The following ZNF638 variants were observed in gnomAD, a reference collection of about 807,000 sequenced individuals.
ZNF638 encodes the protein CTCL tumor antigen se33-1.
ZNF638 carries 46 observed loss-of-function variants against 195.6 expected under a neutral mutation model. The ratio of observed to expected loss-of-function variants is 0.24; its 90% CI spans 0.19 to 0.30. ZNF638 has a LOEUF of 0.30. Among genes scored for constraint, ZNF638 ranks in the 10% least tolerant of loss-of-function variants. ZNF638 has a pLI of 1.00. For missense variants in ZNF638, 2,440 were observed against 2,325.3 expected (o/e 1.05, Z -1.01); for synonymous variants, 845 against 772.0 (o/e 1.09, Z -1.57).
chr2:71,427,249 T>G lies in ZNF638; in HGVS notation c.5380T>G (p.Leu1794Val). 1 of 1,613,344 alleles carries G rather than the reference T, an allele frequency of 6.2e-7. No individual in the cohort carries two copies. Among genetic ancestry groups the G allele is most frequent in the Non-Finnish European group, 8.5e-7 (1 of 1,179,886 alleles). The stretch of plus-strand genomic sequence containing the variant: ...TGGAGATAATGATTTAAAAGTTGAG[T>G]TAGCACAAAGCAAAAATGACCATCC... ...EDGDNDLKVE[L>V]AQSKNDHPTD... The change falls in exon 24 of 28, where the codon TTA becomes GTA. Residue 1794 changes from leucine to valine, a missense_variant. Around this residue, in one of 5 missense-constraint regions of ZNF638, gnomAD observed 1,883 missense variants for 1,739.1 expected, o/e 1.08. Transcript: ENST00000264447.
In ZNF638 at chr2:71,403,935, A is replaced by G; in HGVS notation, c.2895A>G (p.Val965=). 1 of 1,612,140 alleles carries G rather than the reference A, an allele frequency of 6.2e-7. No individual in the cohort carries two copies. The highest frequency in any genetic ancestry group is 1.1e-5 in the South Asian group (1 of 90,976). ...SMVKFYTCFP[V]LMDGNQLSIS... is the part of the protein sequence containing the mutation. ...TAAAATTTTATACCTGCTTCCCAGT[A>G]TTGATGGATGGAAATCAACTCTCAA... Residue 965 remains valine, a synonymous_variant, in exon 17 of 28, where the codon GTA becomes GTG. Transcript: ENST00000264447.
chr2:71,381,873 A>G (rs937663217), intron 10 of ZNF638, among the ~76,000 whole-genome samples: 2 of 152,154 alleles, frequency 1.3e-5, no homozygotes, highest in Non-Finnish European at 2.9e-5. Flanking sequence ...GGGAAATTGC[A>G]GTAGAGAATA....
At chr2:71,342,840 C>T (rs980720880) in intron 1 of ZNF638, among the ~76,000 whole-genome samples, 20 of 151,996 alleles carry the variant, frequency 1.3e-4, no homozygotes, top group African/African-American at 3.4e-4. Flanking sequence ...ATCAAATAGT[C>T]CTGAGGGTGC....
chr2:71,418,537 C>G (rs1368276837), intron 20 of ZNF638, 65 bp from the exon 21 acceptor site: 2 of 1,111,402 alleles, frequency 1.8e-6, no homozygotes, highest in African/African-American at 3.3e-5. Flanking sequence ...AAAAACATTG[C>G]TTTTATAGTT....
At chr2:71,410,303 A>C (rs2080186209) in intron 20 of ZNF638, among the ~76,000 whole-genome samples, 1 of 152,116 alleles carries the variant, frequency 6.6e-6, no homozygotes, top group Non-Finnish European at 1.5e-5. Flanking sequence ...CTCTCACTTC[A>C]GCCTCCAGAG....
intron 3 of ZNF638, among the ~76,000 whole-genome samples, chr2:71,359,935 G>T (rs1331360303): frequency 6.6e-6 from 1 of 152,104 alleles, no homozygotes; most frequent in Non-Finnish European, 1.5e-5. Flanking sequence ...AGGTAATTAT[G>T]CTGTGTTTAT....
At chr2:71,345,049 TA>T (rs1558830084) in intron 1 of ZNF638, among the ~76,000 whole-genome samples, 1 of 152,186 alleles carries the variant, frequency 6.6e-6, no homozygotes, top group Non-Finnish European at 1.5e-5. Flanking sequence ...CATCCAAAAA[TA>T]GGTGAGTATG....
chr2:71,379,980 C>G (rs1387799678), intron 8 of ZNF638: 2 of 297,698 alleles, frequency 6.7e-6, no homozygotes, highest in African/African-American at 4.4e-5. Flanking sequence ...TTCAAGGCAT[C>G]CACCAGGGGT....
Position 71,428,506 on chromosome 2 carries a change from T to C in ZNF638, c.5546-41T>C, listed in dbSNP as rs775109863. On this transcript the variant is annotated intron_variant, in intron 24 of 27. Coordinates refer to ENST00000264447, the MANE Select transcript of ZNF638 (RefSeq NM_014497.5). ...TATGTTTAATTTAAAGCAATTTAAATACTGTTACTAGAGCAATAAATTAGG... is the reference window on the plus strand; with the variant it reads ...TATGTTTAATTTAAAGCAATTTAAACACTGTTACTAGAGCAATAAATTAGG... 2.0e-6 allele frequency: 3 copies of C among 1,533,384 alleles called. No individual in the cohort carries two copies. In the South Asian group the frequency reaches 3.5e-5, roughly 18 times the overall value. 95.0% of individuals were successfully genotyped at this position (1,533,384 alleles called of 1,614,324 possible).
intron 1 of ZNF638, chr2:71,333,004 G>A (rs889417027): frequency 6.6e-6 from 1 of 152,040 alleles, no homozygotes; most frequent in Non-Finnish European, 1.5e-5. Flanking sequence ...TATTTTTTCA[G>A]GGATGTTGTG....
intron 24 of ZNF638, 84 bp from the exon 25 acceptor site, chr2:71,428,463 T>G: frequency 8.0e-7 from 1 of 1,245,564 alleles, no homozygotes; most frequent in Non-Finnish European, 1.1e-6. Context: ...ATGTATAATG[T>G]TGATTCAGAC....
In ZNF638 at chr2:71,418,385, T is replaced by C. The variant is rs1049527708; in HGVS notation, c.3262-217T>C. On this transcript the variant is annotated intron_variant, in intron 20 of 27. Transcript: ENST00000264447. ...ATTATTAAGGAAACTTATTTTTTCA[T>C]TAATATAAGTTATTGTGTGTGACCT... is the stretch of plus-strand genomic sequence containing the variant. 2.2e-5 allele frequency: 8 copies of C among 356,646 alleles called. No individual in the cohort carries two copies. The East Asian group carries it at 2.5e-4, about 11-fold the overall frequency. 22.1% of individuals were successfully genotyped at this position (356,646 alleles called of 1,614,324 possible).
chr2:71,342,578 CATTGGG>C, intron 1 of ZNF638, among the ~76,000 whole-genome samples: 1 of 152,170 alleles, frequency 6.6e-6, no homozygotes, highest in Non-Finnish European at 1.5e-5. Context: ...AAAGAAAAGG[CATTGGG>C]ATGATGATGG....
chr2:71,427,504 A>T (rs1665367001), intron 24 of ZNF638, 90 bp downstream of exon 24: 3 of 980,852 alleles, frequency 3.1e-6, no homozygotes, highest in Admixed American at 6.6e-5. Flanking sequence ...ATTACCAATA[A>T]TGTCACCCAG....
intron 20 of ZNF638, among the ~76,000 whole-genome samples, chr2:71,411,453 A>ATTTTTTATTTTTTATTTTTTTTTTTTT (rs2080222003): frequency 5.7e-5 from 8 of 139,680 alleles, no homozygotes; most frequent in Non-Finnish European, 9.2e-5. Context: ...TTTTTTATTT[A>ATTTTTTATTTTTTATTTTTTTTTTTTT]TTTTTTATTT....
chr2:71,378,546 A>T (rs546963541), intron 8 of ZNF638, among the ~76,000 whole-genome samples: 76 of 152,350 alleles, frequency 5.0e-4, no homozygotes, highest in African/African-American at 1.8e-3. Flanking sequence ...ATTGAAGAAC[A>T]CAAAGTCTCT....
In ZNF638 at chr2:71,418,659, C is replaced by G; in HGVS notation, c.3299+20C>G. 6.5e-7 allele frequency: 1 copy of G among 1,532,136 alleles called. No individual in the cohort carries two copies. The allele number at this position is 1,532,136 out of a possible 1,614,324, so 94.9% of individuals were successfully genotyped here. On this transcript the variant is annotated intron_variant, in intron 21 of 27. Coordinates refer to ENST00000264447, the MANE Select transcript of ZNF638 (RefSeq NM_014497.5). Reference sequence around the variant, plus strand: ...AGAAAGGTATGTTGCTTTATGTTTACTAACACTTTTGTATAGTATTTAGTT... The same window carrying G: ...AGAAAGGTATGTTGCTTTATGTTTAGTAACACTTTTGTATAGTATTTAGTT...
chr2:71,408,081 T>G, intron 19 of ZNF638, 41 bp from the exon 20 acceptor site: 1 of 1,580,754 alleles, frequency 6.3e-7, no homozygotes, highest in Admixed American at 1.9e-5. Flanking sequence ...AATTCCAATT[T>G]TTTTAAAGAA....
At chr2:71,383,081 G>C (rs2079562485) in intron 10 of ZNF638, among the ~76,000 whole-genome samples, 1 of 152,192 alleles carries the variant, frequency 6.6e-6, no homozygotes, top group Non-Finnish European at 1.5e-5. Flanking sequence ...CCAGCACTTT[G>C]GGAGTTTGAG....
Sources: allele counts gnomAD v4.1 joint callset (sites outside exome capture counted in the v4.1 genomes callset), GRCh38; gene constraint gnomAD v4.1.1; regional missense constraint gnomAD v4.1.1; transcripts MANE v1.5; gene names NCBI Gene and HGNC (gene_info 2026-07-23, HGNC 2026-07-21).